KCNIP4: variants seen among roughly 807,000 people sequenced by gnomAD.
KCNIP4 encodes Kv channel-interacting protein 4.
Under a neutral mutation model 34.0 loss-of-function variants are expected in KCNIP4, and 12 were observed. The ratio of observed to expected loss-of-function variants is 0.35; its 90% confidence interval spans 0.23 to 0.57. The LOEUF (loss-of-function observed/expected upper bound fraction) is 0.57, where lower values mean the gene tolerates loss of function less well. KCNIP4 is among the 20% of genes least tolerant of loss of function. The pLI is 0.83. For synonymous variants in KCNIP4, 124 were observed against 102.2 expected (o/e 1.21, Z -1.29); for missense variants, 238 against 311.7 (o/e 0.76, Z 1.78).
chr4:21,795,126 G>A (rs1392738132), intron 1 of KCNIP4, among the ~76,000 whole-genome samples: 1 of 152,140 alleles, frequency 6.6e-6, no homozygotes, highest in Non-Finnish European at 1.5e-5. Flanking sequence ...TTAAGGAGGT[G>A]ATGAAGTTAA....
chr4:21,741,147 T>A (rs2109128375), intron 1 of KCNIP4, among the ~76,000 whole-genome samples: 1 of 152,302 alleles, frequency 6.6e-6, no homozygotes, highest in Admixed American at 6.5e-5. Flanking sequence ...TGCTGGCTTA[T>A]AGCATTTCCA....
intron 1 of KCNIP4, among the ~76,000 whole-genome samples, chr4:21,788,098 G>C (rs1011158632): frequency 1.3e-5 from 2 of 152,112 alleles, no homozygotes; most frequent in Non-Finnish European, 2.9e-5. Flanking sequence ...ATTTCAACCA[G>C]AAGACATTCA....
intron 1 of KCNIP4, among the ~76,000 whole-genome samples, chr4:21,150,810 G>T (rs939503506): frequency 3.3e-5 from 5 of 152,172 alleles, no homozygotes; most frequent in African/African-American, 1.2e-4. Flanking sequence ...ATCTAATGAA[G>T]AAGTTTGAAA....
At chr4:20,986,218 T>TA (rs1736564204) in intron 1 of KCNIP4, among the ~76,000 whole-genome samples, 1 of 152,152 alleles carries the variant, frequency 6.6e-6, no homozygotes, top group South Asian at 2.1e-4. Context: ...GACCTGCTGA[T>TA]CATCTCAACC....
At chr4:21,661,193 T>C (rs1397349441) in intron 1 of KCNIP4, among the ~76,000 whole-genome samples, 1 of 152,118 alleles carries the variant, frequency 6.6e-6, no homozygotes, top group African/African-American at 2.4e-5. Flanking sequence ...CCATCTCCTT[T>C]CCAGCTCCCC....
At chr4:20,826,176 T>A (rs987535216) in intron 3 of KCNIP4, among the ~76,000 whole-genome samples, 4 of 152,084 alleles carry the variant, frequency 2.6e-5, no homozygotes, top group Admixed American at 2.6e-4. Flanking sequence ...TAGAGCATAC[T>A]TTGGGAAACT....
rs896511641 is a variant in KCNIP4 at position 21,668,891 on chromosome 4, C to T, written c.61+279680G>A. 2.0e-5 allele frequency among the ~76,000 whole-genome samples: 3 copies of T among 152,196 alleles called. No homozygotes were observed. The East Asian group carries it at 5.8e-4, about 29-fold the overall frequency. On this transcript the variant is annotated intron_variant, in intron 1 of 8. Transcript: ENST00000382152. ...TTTATATTTGAACTGCATGGGCCCACTTGCGGATTGTTTTCAATAAAAGTT... is the reference window on the plus strand; with the variant it reads ...TTTATATTTGAACTGCATGGGCCCATTTGCGGATTGTTTTCAATAAAAGTT...
chr4:21,194,992 T>G (rs968775431), intron 1 of KCNIP4, among the ~76,000 whole-genome samples: 8 of 152,250 alleles, frequency 5.3e-5, no homozygotes, highest in African/African-American at 1.7e-4. Context: ...CTGTGAATCC[T>G]GACCCATGGG....
chr4:21,165,449 CAAAAAAAAAA>C (rs1161082468), intron 1 of KCNIP4, among the ~76,000 whole-genome samples: 2 of 620 alleles, frequency 3.2e-3, no homozygotes, highest in Non-Finnish European at 5.0e-3. Flanking sequence ...TTGAAAGCAT[CAAAAAAAAAA>C]AAAAAAAAAA....
chr4:21,123,194 A>G (rs926023056), intron 1 of KCNIP4, among the ~76,000 whole-genome samples: 20 of 129,154 alleles, frequency 1.5e-4, no homozygotes, highest in African/African-American at 6.3e-4. Context: ...AGCCTGAACG[A>G]CAGAGCAAGT....
chr4:21,733,781 G>A (rs1282909874), intron 1 of KCNIP4, among the ~76,000 whole-genome samples: 4 of 152,154 alleles, frequency 2.6e-5, no homozygotes, highest in Middle Eastern at 3.4e-3. Flanking sequence ...TCTTAAAATG[G>A]GGACATAAAA....
At chr4:21,346,799 C>A (rs1168888937) in intron 1 of KCNIP4, among the ~76,000 whole-genome samples, 2 of 151,884 alleles carry the variant, frequency 1.3e-5, no homozygotes, top group African/African-American at 2.4e-5. Context: ...CGTACAACAG[C>A]AAAACTATAA....
At chr4:21,717,502 T>A (rs1291091393) in intron 1 of KCNIP4, among the ~76,000 whole-genome samples, 2 of 152,180 alleles carry the variant, frequency 1.3e-5, no homozygotes, top group Non-Finnish European at 2.9e-5. Flanking sequence ...TGAGCCTTTG[T>A]TTTTGTAAGA....
chr4:21,070,266 G>T (rs1744771069), intron 1 of KCNIP4, among the ~76,000 whole-genome samples: 1 of 152,086 alleles, frequency 6.6e-6, no homozygotes, highest in Admixed American at 6.6e-5. Flanking sequence ...TCTTGTTTTT[G>T]GCGATTAAAA....
At chr4:21,062,794 C>G (rs958264384) in intron 1 of KCNIP4, among the ~76,000 whole-genome samples, 1 of 152,068 alleles carries the variant, frequency 6.6e-6, no homozygotes, top group Non-Finnish European at 1.5e-5. Flanking sequence ...AACAATTCCC[C>G]TTTACTTGAG....
chr4:21,584,180 T>C (rs1348729815), intron 1 of KCNIP4, among the ~76,000 whole-genome samples: 1 of 152,054 alleles, frequency 6.6e-6, no homozygotes, highest in Non-Finnish European at 1.5e-5. Context: ...CCTTCTCCCA[T>C]TAACGCTTAT....
At chr4:21,519,757 A>ATGATACACACGTGTG (rs1560481180) in intron 1 of KCNIP4, among the ~76,000 whole-genome samples, 2 of 123,988 alleles carry the variant, frequency 1.6e-5, no homozygotes, top group African/African-American at 7.5e-5. Flanking sequence ...ACGTGTGTGT[A>ATGATACACACGTGTG]TGTATGTGTG....
At chr4:21,102,541 A>G (rs952845806) in intron 1 of KCNIP4, among the ~76,000 whole-genome samples, 2 of 152,184 alleles carry the variant, frequency 1.3e-5, no homozygotes, top group African/African-American at 4.8e-5. Flanking sequence ...GATTGAGGAT[A>G]TAAATTAGGA....
chr4:20,752,850 T>C (rs1008567995), intron 4 of KCNIP4: 3 of 152,224 alleles, frequency 2.0e-5, no homozygotes, highest in African/African-American at 7.2e-5. Flanking sequence ...TGGTTCTGGT[T>C]TTACTCAACT....
Sources: allele counts gnomAD v4.1 joint callset (sites outside exome capture counted in the v4.1 genomes callset), GRCh38; gene constraint gnomAD v4.1.1; transcripts MANE v1.5; gene names NCBI Gene and HGNC (gene_info 2026-07-23, HGNC 2026-07-21).